Variants in NUP54 observed in about 807,000 individuals in gnomAD.
The protein encoded by NUP54 is nucleoporin 54, also known as nucleoporin p54.
A neutral mutation model predicts 66.4 loss-of-function variants in NUP54; 27 were observed. The observed-to-expected ratio is 0.41, with a 90% confidence interval of 0.30 to 0.56. NUP54 has a LOEUF of 0.56. Ranked by LOEUF, NUP54 falls within the 20% of genes least tolerant of loss-of-function variation. NUP54 has a pLI of 0.34. For missense variants in NUP54, 486 were observed against 596.3 expected, an observed-to-expected ratio of 0.82 and a Z score of 1.93; for synonymous variants, 206 against 210.7, an observed-to-expected ratio of 0.98 and a Z score of 0.19.
intron 9 of NUP54, among the ~76,000 whole-genome samples, chr4:76,120,467 T>C (rs1730185863): frequency 7.0e-6 from 1 of 143,726 alleles, no homozygotes; most frequent in Non-Finnish European, 1.5e-5. Context: ...TTGCACTCTG[T>C]CACCCAAGCT....
At position 76,132,544 on chromosome 4, in the gene NUP54, G is replaced by T; in HGVS notation, c.886C>A (p.Leu296Ile). The T allele has an allele frequency of 6.3e-7, 1 of 1,597,172 alleles. No homozygotes were observed. The highest frequency in any genetic ancestry group is 8.5e-7 in the Non-Finnish European group (1 of 1,172,302). ...ATACCAGCAGGAGGATTCTGTAAAAGCTGTTTGATCTGTGCAGGAGAAAGT... is the reference window on the plus strand; with the variant it reads ...ATACCAGCAGGAGGATTCTGTAAAATCTGTTTGATCTGTGCAGGAGAAAGT... The part of the protein sequence containing the change: ...TELSPAQIKQ[L>I]LQNPPAGVDP... The change falls in exon 6 of 12, where the codon CTT becomes ATT. Residue 296 changes from leucine to isoleucine, a missense_variant. Coordinates refer to ENST00000264883, the MANE Select transcript of NUP54 (RefSeq NM_017426.4).
intron 1 of NUP54, chr4:76,147,355 G>T: frequency 1.8e-6 from 1 of 561,842 alleles, no homozygotes; most frequent in Non-Finnish European, 2.6e-6. Context: ...TTTGATTCGA[G>T]ATAAGGAAAT....
At chr4:76,126,066 G>T (rs28590424) in intron 8 of NUP54, among the ~76,000 whole-genome samples, 23,682 of 152,056 alleles carry the variant, frequency 0.16, 2,811 homozygotes, top group African/African-American at 0.32. Context: ...ACTACTGACA[G>T]CAAGTACAGT....
chr4:76,148,239 T>A, intron 1 of NUP54, 69 bp downstream of exon 1: 3 of 1,094,312 alleles, frequency 2.7e-6, no homozygotes, highest in Admixed American at 4.0e-5. Flanking sequence ...GGTCGGAGAG[T>A]CTCGGACAGA....
At chr4:76,128,412 T>TAAA in intron 8 of NUP54, among the ~76,000 whole-genome samples, 1 of 87,504 alleles carries the variant, frequency 1.1e-5, no homozygotes, top group East Asian at 3.6e-4. Flanking sequence ...AAAAAAAAAG[T>TAAA]CCAAATAACT....
At chr4:76,138,760 G>T (rs1273390248) in intron 3 of NUP54, among the ~76,000 whole-genome samples, 1 of 152,122 alleles carries the variant, frequency 6.6e-6, no homozygotes, top group African/African-American at 2.4e-5. Flanking sequence ...AAGGCCAACA[G>T]TATGTGTAAC....
chr4:76,120,248 G>A (rs1379000872), intron 9 of NUP54, among the ~76,000 whole-genome samples: 2 of 152,064 alleles, frequency 1.3e-5, no homozygotes, highest in Non-Finnish European at 2.9e-5. Context: ...CAATGAGGCT[G>A]AGTTTTAAAG....
At chr4:76,131,192 A>G (rs772907882) in intron 7 of NUP54, 38 bp downstream of exon 7, 1 of 1,296,838 alleles carries the variant, frequency 7.7e-7, no homozygotes, top group South Asian at 1.3e-5. Context: ...AGTAGCAAAT[A>G]TTAGTTCTTA....
chr4:76,123,518 TC>T (rs1730327403), intron 9 of NUP54, among the ~76,000 whole-genome samples: 11 of 152,088 alleles, frequency 7.2e-5, no homozygotes, highest in African/African-American at 2.7e-4. Context: ...CTTTTTTTTT[TC>T]TCCTTTTTTC....
intron 1 of NUP54, chr4:76,147,375 T>C: frequency 3.1e-6 from 2 of 653,840 alleles, no homozygotes; most frequent in Non-Finnish European, 4.3e-6. Context: ...TAAATTTCCT[T>C]TCCCTATTAG....
chr4:76,135,991 T>C (rs576422983), intron 4 of NUP54, among the ~76,000 whole-genome samples, 195 bp downstream of exon 4: 1 of 152,336 alleles, frequency 6.6e-6, no homozygotes, highest in African/African-American at 2.4e-5. Context: ...CCTTCATTCA[T>C]ATTCTGGTCA....
In NUP54 at chr4:76,145,317, C is replaced by CAA. The variant is rs58518890; in HGVS notation, c.68-846_68-845dup. 2.2e-3 allele frequency among the ~76,000 whole-genome samples: 219 copies of CAA among 101,458 alleles called. 3 individuals are homozygous for CAA. Among genetic ancestry groups the CAA allele is most frequent in the African/African-American group, 5.3e-3 (151 of 28,570 alleles). 66.6% of individuals were successfully genotyped at this position (101,458 alleles called of 152,430 possible). ...CGGGCGACAGGGTGAGACTCCGTCTCAAAAAAAAAAAAAAAAAAAAAATTT... is the reference window on the plus strand; with the variant it reads ...CGGGCGACAGGGTGAGACTCCGTCTCAAAAAAAAAAAAAAAAAAAAAAAATTT... On this transcript the variant is annotated intron_variant, in intron 1 of 11. Transcript: ENST00000264883.
At chr4:76,120,442 T>TTC (rs1730183210) in intron 9 of NUP54, among the ~76,000 whole-genome samples, 1 of 114,644 alleles carries the variant, frequency 8.7e-6, no homozygotes, top group Non-Finnish European at 1.7e-5. Context: ...TTTTTTTTTT[T>TTC]TTCCCCAGAT....
chr4:76,148,365 T>G lies in NUP54; in HGVS notation c.10A>C (p.Asn4His). 2 of 1,543,416 alleles carry G rather than the reference T, an allele frequency of 1.3e-6. No individual in the cohort carries two copies. The highest frequency in any genetic ancestry group is 2.0e-5 in the Admixed American group (1 of 50,458). The part of the protein sequence containing the change: MAF[N>H]FGAPSGTSGT... ...GAGGTGCCCGAGGGAGCCCCAAAAT[T>G]GAAGGCCATGTCGCGAAAGCAGGAG... is the stretch of plus-strand genomic sequence containing the variant. Residue 4 changes from asparagine to histidine, a missense_variant, in exon 1 of 12, where the codon AAT (asparagine) becomes CAT (histidine). This residue lies in a region of NUP54 where 145 missense variants were observed against 137.1 expected (regional missense o/e 1.06). Transcript: ENST00000264883.
intron 3 of NUP54, among the ~76,000 whole-genome samples, chr4:76,138,397 T>A (rs1377844145): frequency 6.6e-6 from 1 of 152,194 alleles, no homozygotes; most frequent in African/African-American, 2.4e-5. Context: ...TTGAAAGCCC[T>A]TCTCCCTTAA....
Position 76,119,353 on chromosome 4 carries a change from T to G in NUP54, c.1165-1159A>C, listed in dbSNP as rs572392477. On this transcript the variant is annotated intron_variant, in intron 9 of 11. Coordinates refer to ENST00000264883, the MANE Select transcript of NUP54 (RefSeq NM_017426.4). ...CCAAAATAAAACTAAACTGTATATA[T>G]CACTCTGTGACATGGTTCCTTTTTT... Among the ~76,000 whole-genome samples the G allele has an allele frequency of 2.0e-4, 31 of 152,208 alleles. No individual in the cohort carries two copies. The Middle Eastern group carries it at 0.017, about 84-fold the overall frequency.
intron 8 of NUP54, among the ~76,000 whole-genome samples, chr4:76,125,647 GGGGAGA>G (rs1560678807): frequency 1.7e-4 from 5 of 29,644 alleles, no homozygotes; most frequent in African/African-American, 5.3e-4. Context: ...AGGGGGAGAG[GGGGAGA>G]GGGAGAGAGG....
At chr4:76,143,766 T>C (rs940699961) in intron 3 of NUP54, among the ~76,000 whole-genome samples, 7 of 152,088 alleles carry the variant, frequency 4.6e-5, no homozygotes, top group African/African-American at 1.4e-4. Context: ...GGGAAGCAAT[T>C]GGTAGGGAAA....
intron 9 of NUP54, among the ~76,000 whole-genome samples, chr4:76,119,539 TTTC>T (rs1342562488): frequency 1.7e-5 from 2 of 116,184 alleles, no homozygotes. Context: ...GCTAATTTTT[TTTC>T]TTTTTTTTTT....
Sources: gnomAD v4.1 joint callset for allele counts (sites outside exome capture counted in the v4.1 genomes callset) on GRCh38, gnomAD v4.1.1 for gene constraint, gnomAD v4.1.1 regional missense constraint, MANE v1.5 for transcripts, NCBI Gene and HGNC (gene_info 2026-07-23, HGNC 2026-07-21) for gene names.